The following WLS variants were observed in gnomAD, a reference collection of about 807,000 sequenced individuals.
WLS encodes the protein Wnt ligand secretion mediator, also known as protein wntless homolog.
A neutral mutation model predicts 62.8 loss-of-function variants in WLS; 23 were observed. The observed-to-expected ratio is 0.37, with a 90% CI of 0.26 to 0.52. The LOEUF (loss-of-function observed/expected upper bound fraction) is 0.52. WLS is among the 20% of genes least tolerant of loss of function. The pLI is 0.92. For missense variants in WLS, 615 were observed against 697.3 expected, an observed-to-expected ratio of 0.88 and a Z score of 1.33; for synonymous variants, 246 against 244.1, an observed-to-expected ratio of 1.01 and a Z score of -0.07.
chr1:68,184,905 A>T (rs751504472), intron 2 of WLS, among the ~76,000 whole-genome samples: 1 of 152,062 alleles, frequency 6.6e-6, no homozygotes, highest in Non-Finnish European at 1.5e-5. Flanking sequence ...ACCACCATTT[A>T]GAAGTTGAAC....
Position 68,222,592 on chromosome 1 carries a change from C to T in WLS, c.106+9602G>A, listed in dbSNP as rs537867136. On this transcript the variant is annotated intron_variant, in intron 1 of 11. Transcript: ENST00000262348. ...CTCTGAAGGACATATATCTTTGGGG[C>T]ACTGAGTAGCATTAGAAACTGCGTC... Among the ~76,000 whole-genome samples, 50 of 152,206 alleles carry T rather than the reference C, an allele frequency of 3.3e-4. 1 individual carries two copies. The highest frequency in any genetic ancestry group is 1.1e-3 in the African/African-American group (47 of 41,534).
At chr1:68,172,179 G>A (rs1004138853) in intron 2 of WLS, among the ~76,000 whole-genome samples, 7 of 151,896 alleles carry the variant, frequency 4.6e-5, no homozygotes, top group Middle Eastern at 3.4e-3. Context: ...GGGGATGGGG[G>A]AGGGATAGTA....
In WLS at chr1:68,145,959, T is replaced by C. The variant is rs1309310385; in HGVS notation, c.1188A>G (p.Leu396=). ...GAAACACCTGAAATACCATGAAGCA[T>C]AGAAACAGGAAGTAGAGGCAGAGGC... is the stretch of plus-strand genomic sequence containing the variant. ...GICLCLYFLF[L]CFMVFQVFRN... is the part of the protein sequence containing the mutation. Residue 396 remains leucine, a synonymous_variant, in exon 9 of 12, where the codon CTA becomes CTG. Transcript: ENST00000262348. The C allele has an allele frequency of 1.2e-6, 2 of 1,614,036 alleles. No individual in the cohort carries two copies. Among genetic ancestry groups the C allele is most frequent in the East Asian group, 4.5e-5 (2 of 44,852 alleles).
At chr1:68,178,713 A>T (rs1166333422) in intron 2 of WLS, among the ~76,000 whole-genome samples, 2 of 151,950 alleles carry the variant, frequency 1.3e-5, no homozygotes, top group African/African-American at 4.8e-5. Context: ...TTCAAAAAAA[A>T]AAAAAAGAAA....
chr1:68,184,482 C>G (rs1411187901), intron 2 of WLS, among the ~76,000 whole-genome samples: 1 of 152,188 alleles, frequency 6.6e-6, no homozygotes, highest in Non-Finnish European at 1.5e-5. Flanking sequence ...AATAACAGAA[C>G]TTGGCCTTAC....
At chr1:68,183,198 TTAGA>T (rs1647690854) in intron 2 of WLS, among the ~76,000 whole-genome samples, 1 of 152,164 alleles carries the variant, frequency 6.6e-6, no homozygotes, top group Non-Finnish European at 1.5e-5. Flanking sequence ...AGCCAAAATG[TTAGA>T]TAGTTTTAAC....
intron 1 of WLS, among the ~76,000 whole-genome samples, chr1:68,223,792 G>C (rs1238056174): frequency 1.3e-5 from 2 of 152,154 alleles, no homozygotes; most frequent in East Asian, 3.9e-4. Flanking sequence ...TGAGGCCACA[G>C]GTTGTCTGCA....
intron 1 of WLS, among the ~76,000 whole-genome samples, chr1:68,194,710 G>T (rs190616981): frequency 1.3e-5 from 2 of 152,272 alleles, no homozygotes; most frequent in Non-Finnish European, 2.9e-5. Context: ...TCTGAGAAAC[G>T]GAAGAGTTTC....
intron 1 of WLS, among the ~76,000 whole-genome samples, chr1:68,212,120 CCA>C (rs1195563553): frequency 6.6e-6 from 1 of 152,202 alleles, no homozygotes; most frequent in African/African-American, 2.4e-5. Flanking sequence ...GTCTCATCAC[CCA>C]CACAATCTGT....
At chr1:68,154,481 A>G (rs1289840121) in intron 4 of WLS, among the ~76,000 whole-genome samples, 1 of 152,344 alleles carries the variant, frequency 6.6e-6, no homozygotes, top group Non-Finnish European at 1.5e-5. Flanking sequence ...CCATTAAATA[A>G]AGAAAGCAAG....
chr1:68,159,029 C>T (rs997558411), intron 3 of WLS, 94 bp downstream of exon 3: 12 of 1,517,306 alleles, frequency 7.9e-6, no homozygotes, highest in East Asian at 2.3e-5. Flanking sequence ...TGTCCTCATG[C>T]GAAGAAGGGA....
At chr1:68,099,347 C>T (rs978972590) in intron 11 of WLS, among the ~76,000 whole-genome samples, 2 of 152,126 alleles carry the variant, frequency 1.3e-5, no homozygotes, top group Non-Finnish European at 2.9e-5. Context: ...AAAGCTGAGC[C>T]TAGTATCTAA....
At chr1:68,177,375 C>T (rs551570920) in intron 2 of WLS, among the ~76,000 whole-genome samples, 9 of 152,248 alleles carry the variant, frequency 5.9e-5, no homozygotes, top group South Asian at 2.1e-4. Context: ...AACCACTGTC[C>T]GGAAGTAATG....
Position 68,155,174 on chromosome 1 carries a change from T to C in WLS, c.591A>G (p.Leu197=). The change falls in exon 4 of 12, where the codon TTA becomes TTG. Residue 197 remains leucine (L), a synonymous_variant. Coordinates refer to ENST00000262348, the MANE Select transcript of WLS (RefSeq NM_024911.7). ...IGSVAHKFYL[L]NIRLPVNEKK... ...TCTCATTCACAGGCAGCCGGATGTT[T>C]AAAAGGTAAAACTTATGGGCCACAG... is the stretch of plus-strand genomic sequence containing the variant. 1.2e-6 allele frequency: 2 copies of C among 1,614,062 alleles called. No homozygotes were observed. The highest frequency in any genetic ancestry group is 1.7e-6 in the Non-Finnish European group (2 of 1,179,976).
Position 68,212,298 on chromosome 1 carries a change from A to G in WLS, c.107-18071T>C, listed in dbSNP as rs528470203. ...CAGATGGAGTCCCAGAGCTGAATGA[A>G]TTTGCCCACAATGTCTAACACAATG... On this transcript the variant is annotated intron_variant, in intron 1 of 11. Coordinates refer to ENST00000262348, the MANE Select transcript of WLS (RefSeq NM_024911.7). Among the ~76,000 whole-genome samples the G allele has an allele frequency of 5.8e-4, 89 of 152,330 alleles. No individual in the cohort carries two copies. In the Middle Eastern group the frequency reaches 0.014, roughly 23 times the overall value.
chr1:68,138,751 C>T (rs534061192), intron 10 of WLS, among the ~76,000 whole-genome samples: 7 of 152,266 alleles, frequency 4.6e-5, no homozygotes, highest in African/African-American at 1.7e-4. Context: ...TGTGCCAGCT[C>T]TGAGACAAAT....
chr1:68,224,776 G>A (rs940617743), intron 1 of WLS, among the ~76,000 whole-genome samples: 1 of 152,096 alleles, frequency 6.6e-6, no homozygotes, highest in African/African-American at 2.4e-5. Flanking sequence ...AAACGAAAAG[G>A]TGGGGGGGAT....
At chr1:68,231,862 G>GT (rs1650440051) in intron 1 of WLS, 1 of 244,164 alleles carries the variant, frequency 4.1e-6, no homozygotes, top group Non-Finnish European at 7.9e-6. Flanking sequence ...AAAAGCGGGG[G>GT]GGGGGGGGGG....
chr1:68,120,953 T>C (rs1434558816), downstream of WLS, among the ~76,000 whole-genome samples: 1 of 152,218 alleles, frequency 6.6e-6, no homozygotes, highest in Non-Finnish European at 1.5e-5. Flanking sequence ...GGAAAAAATA[T>C]ACATAACAGG....
Sources: allele counts gnomAD v4.1 joint callset (sites outside exome capture counted in the v4.1 genomes callset), GRCh38; gene constraint gnomAD v4.1.1; transcripts MANE v1.5; gene names NCBI Gene and HGNC (gene_info 2026-07-23, HGNC 2026-07-21).